The following GPC6 variants were observed in gnomAD, a reference collection of about 807,000 sequenced individuals.
The protein encoded by GPC6 is glypican 6, also known as glypican-6.
A neutral mutation model predicts 55.2 loss-of-function variants in GPC6; 14 were observed. The observed-to-expected ratio is 0.25, with a 90% CI of 0.17 to 0.40. The LOEUF is 0.40. Ranked by LOEUF, GPC6 falls within the 10% of genes least tolerant of loss-of-function variation. The pLI is 1.00. For missense variants in GPC6, 641 were observed against 708.5 expected, an observed-to-expected ratio of 0.90 and a Z score of 1.08; for synonymous variants, 278 against 259.6, an observed-to-expected ratio of 1.07 and a Z score of -0.68.
chr13:93,421,354 A>G (rs1338498123), intron 1 of GPC6, among the ~76,000 whole-genome samples: 1 of 152,118 alleles, frequency 6.6e-6, no homozygotes, highest in Non-Finnish European at 1.5e-5. Flanking sequence ...ATTTTTGTCA[A>G]ATTCCTGTTA....
At chr13:93,304,025 T>C (rs749947800) in intron 1 of GPC6, among the ~76,000 whole-genome samples, 11 of 151,908 alleles carry the variant, frequency 7.2e-5, no homozygotes, top group Non-Finnish European at 1.5e-4. Context: ...CTCACCACCA[T>C]GCTTGGCTAA....
At chr13:94,361,653 C>A (rs983993012) in intron 6 of GPC6, among the ~76,000 whole-genome samples, 14 of 152,202 alleles carry the variant, frequency 9.2e-5, no homozygotes, top group African/African-American at 3.4e-4. Flanking sequence ...TGGCCAATAA[C>A]AAGAATCAAT....
chr13:93,848,845 C>T (rs1888293574), intron 3 of GPC6, among the ~76,000 whole-genome samples: 1 of 152,072 alleles, frequency 6.6e-6, no homozygotes, highest in Non-Finnish European at 1.5e-5. Flanking sequence ...ACTTTCCTTA[C>T]TCATTGTGCC....
At chr13:94,118,720 C>G (rs944636789) in intron 4 of GPC6, among the ~76,000 whole-genome samples, 1 of 152,076 alleles carries the variant, frequency 6.6e-6, no homozygotes, top group African/African-American at 2.4e-5. Context: ...CTTTCTTGAA[C>G]TAGTTTAAGT....
At chr13:93,345,957 T>A (rs1880414185) in intron 1 of GPC6, among the ~76,000 whole-genome samples, 2 of 152,206 alleles carry the variant, frequency 1.3e-5, no homozygotes. Context: ...CTGGTTCATG[T>A]GGAATTTATA....
intron 2 of GPC6, among the ~76,000 whole-genome samples, chr13:93,582,576 A>G (rs1466493721): frequency 6.6e-6 from 1 of 152,248 alleles, no homozygotes; most frequent in Non-Finnish European, 1.5e-5. Context: ...CTCAGATGAA[A>G]GAACAGACCT....
At chr13:94,154,821 C>A (rs1339483856) in intron 4 of GPC6, among the ~76,000 whole-genome samples, 1 of 152,208 alleles carries the variant, frequency 6.6e-6, no homozygotes, top group Non-Finnish European at 1.5e-5. Flanking sequence ...CTATACTGAT[C>A]ATCAAACCCA....
chr13:93,860,530 T>C (rs1236500400), intron 3 of GPC6, among the ~76,000 whole-genome samples: 1 of 151,614 alleles, frequency 6.6e-6, no homozygotes, highest in Admixed American at 6.6e-5. Flanking sequence ...CACAAATATA[T>C]GTGGGTGATA....
rs746298284 is a variant in GPC6 at position 94,043,241 on chromosome 13, G to A, written c.877+15347G>A. Among the ~76,000 whole-genome samples the A allele has an allele frequency of 1.6e-4, 24 of 151,870 alleles. 1 individual carries two copies. Among genetic ancestry groups the A allele is most frequent in the South Asian group, 1.5e-3 (7 of 4,812 alleles). The stretch of plus-strand genomic sequence containing the variant: ...AGAAACCAAGGTCTGGGCACTAGAC[G>A]TGCTCGATGCTACTGGAGGGTCATT... On this transcript the variant is annotated intron_variant, in intron 4 of 8. Transcript: ENST00000377047.
intron 4 of GPC6, among the ~76,000 whole-genome samples, chr13:94,209,236 G>A (rs1311895441): frequency 2.0e-5 from 3 of 152,102 alleles, no homozygotes; most frequent in African/African-American, 7.2e-5. Context: ...TGTGACTCAT[G>A]TTGTTTGTTC....
chr13:94,143,322 A>C (rs939809701), intron 4 of GPC6, among the ~76,000 whole-genome samples: 4 of 152,136 alleles, frequency 2.6e-5, no homozygotes, highest in Admixed American at 2.6e-4. Context: ...GTGTGAGAGA[A>C]TCATTCATAG....
chr13:93,708,042 T>C (rs745745535), intron 2 of GPC6, among the ~76,000 whole-genome samples: 1 of 151,810 alleles, frequency 6.6e-6, no homozygotes. Context: ...TACAGAAATA[T>C]TACTAATACA....
intron 1 of GPC6, among the ~76,000 whole-genome samples, chr13:93,415,994 G>T (rs1044192462): frequency 3.3e-5 from 5 of 152,074 alleles, no homozygotes; most frequent in Admixed American, 1.3e-4. Flanking sequence ...TGACAGAAAG[G>T]TAGTTTTATA....
chr13:93,759,207 A>G (rs1004171565), intron 2 of GPC6, among the ~76,000 whole-genome samples: 3 of 152,156 alleles, frequency 2.0e-5, no homozygotes, highest in Non-Finnish European at 2.9e-5. Context: ...ACATCATAAT[A>G]TGTTTTCAAG....
At chr13:93,515,946 A>G (rs577439807) in intron 1 of GPC6, among the ~76,000 whole-genome samples, 13 of 152,214 alleles carry the variant, frequency 8.5e-5, no homozygotes, top group African/African-American at 3.1e-4. Context: ...ATCTAGCAAA[A>G]CTCACATAGT....
rs532784751 is a variant in GPC6 at position 94,057,367 on chromosome 13, A to T, written c.877+29473A>T. ...CTCAGATTATTGAAACCTTAATTTT[A>T]TCTGAAGATAATTATCCAATGTTCA... On this transcript the variant is annotated intron_variant, in intron 4 of 8. Transcript: ENST00000377047. Among the ~76,000 whole-genome samples the T allele has an allele frequency of 2.6e-5, 4 of 152,210 alleles. No homozygotes were observed. The South Asian group carries it at 6.2e-4, about 24-fold the overall frequency.
At chr13:93,450,824 G>A in intron 1 of GPC6, 1 of 382,816 alleles carries the variant, frequency 2.6e-6, no homozygotes, top group South Asian at 1.1e-4. Context: ...ATTTTATCCT[G>A]AGGACATATG....
At chr13:93,461,629 C>T (rs1878693034) in intron 1 of GPC6, among the ~76,000 whole-genome samples, 1 of 135,002 alleles carries the variant, frequency 7.4e-6, no homozygotes, top group Non-Finnish European at 1.5e-5. Context: ...TAGTTCAAGC[C>T]ATATGTTTCA....
intron 1 of GPC6, among the ~76,000 whole-genome samples, chr13:93,444,195 C>CTTTTTTTTTTT (rs10659977): frequency 9.0e-6 from 1 of 110,704 alleles, no homozygotes; most frequent in African/African-American, 3.3e-5. Context: ...TGCAATTCTT[C>CTTTTTTTTTTT]TTTTTTTTTT....
Sources: allele counts gnomAD v4.1 joint callset (sites outside exome capture counted in the v4.1 genomes callset), GRCh38; gene constraint gnomAD v4.1.1; transcripts MANE v1.5; gene names NCBI Gene and HGNC (gene_info 2026-07-23, HGNC 2026-07-21).